Variants in MAGI2 observed in about 807,000 individuals in gnomAD.
The protein encoded by MAGI2 is membrane-associated guanylate kinase, WW and PDZ domain-containing protein 2.
In MAGI2, 35 loss-of-function variants were observed where a neutral mutation model predicts 133.3. That is an observed-to-expected ratio of 0.26 (90% CI 0.20 to 0.35). MAGI2 has a LOEUF of 0.35. MAGI2 is among the 10% of genes least tolerant of loss of function. The pLI, the probability that MAGI2 is intolerant of heterozygous loss-of-function variation, is 1.00. For missense variants in MAGI2, 1,636 were observed against 1,863.4 expected (o/e 0.88, Z 2.25); for synonymous variants, 729 against 710.6 (o/e 1.03, Z -0.41).
At chr7:78,647,870 A>G (rs1811065138) in intron 2 of MAGI2, among the ~76,000 whole-genome samples, 1 of 152,184 alleles carries the variant, frequency 6.6e-6, no homozygotes, top group Admixed American at 6.5e-5. Flanking sequence ...GCTGGAAACC[A>G]TCATTCTCAG....
At chr7:79,218,028 G>C (rs1438536929) in intron 1 of MAGI2, among the ~76,000 whole-genome samples, 1 of 151,900 alleles carries the variant, frequency 6.6e-6, no homozygotes, top group Non-Finnish European at 1.5e-5. Context: ...GCACTGAAAA[G>C]GTTCATAACT....
chr7:79,007,045 T>C (rs770283801), intron 2 of MAGI2, 45 bp downstream of exon 2: 2 of 1,333,776 alleles, frequency 1.5e-6, no homozygotes, highest in African/African-American at 1.5e-5. Context: ...TAGCTAAACA[T>C]TTATCTCTCA....
chr7:78,416,822 C>G (rs10244163), intron 6 of MAGI2, among the ~76,000 whole-genome samples: 1 of 152,106 alleles, frequency 6.6e-6, no homozygotes, highest in African/African-American at 2.4e-5. Flanking sequence ...TCCCTTTTCC[C>G]CTTTATGCCA....
intron 1 of MAGI2, among the ~76,000 whole-genome samples, chr7:79,303,841 C>T (rs773377312): frequency 2.6e-5 from 4 of 152,076 alleles, no homozygotes; most frequent in African/African-American, 9.7e-5. Context: ...GCTTGTCTTG[C>T]GTTTCATCTA....
intron 9 of MAGI2, among the ~76,000 whole-genome samples, chr7:78,338,917 G>T (rs116054645): frequency 0.011 from 1,727 of 152,224 alleles, 30 homozygotes; most frequent in African/African-American, 0.039. Context: ...GAGGCAGGGG[G>T]ATTGCGTGAG....
chr7:79,049,369 A>G (rs1236770673), intron 1 of MAGI2, among the ~76,000 whole-genome samples: 5 of 152,216 alleles, frequency 3.3e-5, no homozygotes, highest in Non-Finnish European at 7.3e-5. Context: ...ATGTGATAAT[A>G]TAAGTATGTA....
intron 6 of MAGI2, among the ~76,000 whole-genome samples, chr7:78,382,235 A>T (rs1794989854): frequency 6.6e-6 from 1 of 152,146 alleles, no homozygotes; most frequent in African/African-American, 2.4e-5. Context: ...CAAACTAAAG[A>T]AACTACTTAA....
intron 7 of MAGI2, among the ~76,000 whole-genome samples, chr7:78,346,295 A>G (rs1367780298): frequency 6.6e-6 from 1 of 152,210 alleles, no homozygotes; most frequent in Non-Finnish European, 1.5e-5. Flanking sequence ...CAGCCAAAAG[A>G]ACTAGAATGT....
chr7:78,741,415 AC>A (rs1563439042), intron 2 of MAGI2, among the ~76,000 whole-genome samples: 68 of 140,350 alleles, frequency 4.8e-4, no homozygotes, highest in African/African-American at 1.8e-3. Context: ...ACACACACAC[AC>A]ACACACACAC....
chr7:78,375,580 TA>T (rs373658838), intron 6 of MAGI2, among the ~76,000 whole-genome samples: 1 of 148,984 alleles, frequency 6.7e-6, no homozygotes, highest in Non-Finnish European at 1.5e-5. Context: ...CTAGCCTTTT[TA>T]AAAAAAAAAC....
At chr7:79,353,405 T>C (rs1383181364) in intron 1 of MAGI2, 1 of 453,268 alleles carries the variant, frequency 2.2e-6, no homozygotes, top group Non-Finnish European at 4.4e-6. Context: ...CCCAGATCCC[T>C]TAATCAACAA....
chr7:79,029,359 G>A (rs1584733679), intron 1 of MAGI2, among the ~76,000 whole-genome samples: 2 of 152,186 alleles, frequency 1.3e-5, no homozygotes, highest in South Asian at 4.1e-4. Flanking sequence ...CATTAAAGAA[G>A]AAAGCTGATT....
chr7:78,368,022 C>T (rs1308571786), intron 7 of MAGI2, among the ~76,000 whole-genome samples: 1 of 152,088 alleles, frequency 6.6e-6, no homozygotes, highest in African/African-American at 2.4e-5. Flanking sequence ...TAGCAGATTG[C>T]ATGTGGAAAA....
chr7:78,523,055 A>G (rs1246016881), intron 3 of MAGI2, among the ~76,000 whole-genome samples: 1 of 152,194 alleles, frequency 6.6e-6, no homozygotes, highest in Non-Finnish European at 1.5e-5. Flanking sequence ...GGAGGAAGGA[A>G]GCACACCTCA....
chr7:79,385,412 A>T (rs1237086627), intron 1 of MAGI2, among the ~76,000 whole-genome samples: 2 of 151,912 alleles, frequency 1.3e-5, no homozygotes, highest in Non-Finnish European at 2.9e-5. Flanking sequence ...TAGTGTTTGA[A>T]TTTTAAAATA....
At chr7:78,212,473 G>A (rs1427080181) in intron 10 of MAGI2, among the ~76,000 whole-genome samples, 2 of 152,114 alleles carry the variant, frequency 1.3e-5, no homozygotes, top group African/African-American at 4.8e-5. Context: ...ATACGGGAAG[G>A]GTGTCACCGG....
At chr7:78,851,367 G>T (rs114931772) in intron 2 of MAGI2, among the ~76,000 whole-genome samples, 2 of 151,964 alleles carry the variant, frequency 1.3e-5, no homozygotes, top group Non-Finnish European at 2.9e-5. Flanking sequence ...TGCTGTGAGG[G>T]GCACAATGTT....
intron 1 of MAGI2, among the ~76,000 whole-genome samples, chr7:79,308,002 A>C (rs1348958598): frequency 6.6e-6 from 1 of 152,158 alleles, no homozygotes; most frequent in African/African-American, 2.4e-5. Flanking sequence ...ATATGGCTAA[A>C]TAGATTTTCA....
At chr7:78,284,453 T>TC (rs1161843006) in intron 9 of MAGI2, among the ~76,000 whole-genome samples, 4 of 148,598 alleles carry the variant, frequency 2.7e-5, no homozygotes, top group Admixed American at 1.3e-4. Flanking sequence ...TTCTTTTCTT[T>TC]TTTTTTTTTT....
Sources: allele counts gnomAD v4.1 joint callset (sites outside exome capture counted in the v4.1 genomes callset), GRCh38; gene constraint gnomAD v4.1.1; transcripts MANE v1.5; gene names NCBI Gene and HGNC (gene_info 2026-07-23, HGNC 2026-07-21).